ADAMTSL1: variants seen among roughly 807,000 people sequenced by gnomAD.
ADAMTSL1 encodes ADAMTS like 1.
A neutral mutation model predicts 201.8 loss-of-function variants in ADAMTSL1; 126 were observed. The ratio of observed to expected loss-of-function variants is 0.62; its 90% CI spans 0.54 to 0.72. The LOEUF is 0.72. ADAMTSL1 is among the 30% of genes least tolerant of loss of function. ADAMTSL1 has a pLI of 0.00. For missense variants in ADAMTSL1, 2,679 were observed against 2,277.8 expected, an observed-to-expected ratio of 1.18 and a Z score of -3.59; for synonymous variants, 1,121 against 903.4, an observed-to-expected ratio of 1.24 and a Z score of -4.32.
chr9:18,319,184 G>T (rs977341836), intron 2 of ADAMTSL1, among the ~76,000 whole-genome samples: 14 of 152,106 alleles, frequency 9.2e-5, no homozygotes, highest in African/African-American at 3.4e-4. Flanking sequence ...CTGGGCAATA[G>T]AGTGAGACCC....
intron 14 of ADAMTSL1, chr9:18,718,340 T>C (rs1833097001): frequency 1.3e-6 from 1 of 742,528 alleles, no homozygotes; most frequent in Non-Finnish European, 2.5e-6. Context: ...TTGCTATACA[T>C]TGTTCCGTTC....
intron 2 of ADAMTSL1, among the ~76,000 whole-genome samples, chr9:18,299,486 CAG>C (rs1310471141): frequency 6.6e-6 from 1 of 152,110 alleles, no homozygotes; most frequent in Non-Finnish European, 1.5e-5. Flanking sequence ...TTGCTTAGAA[CAG>C]AGCTCAGGAA....
intron 2 of ADAMTSL1, among the ~76,000 whole-genome samples, chr9:18,516,414 A>G (rs1818369355): frequency 2.6e-5 from 4 of 152,190 alleles, no homozygotes; most frequent in Admixed American, 2.6e-4. Flanking sequence ...TGAAGCCCCT[A>G]ACTAATATAC....
chr9:18,803,124 T>G (rs1822904757), intron 20 of ADAMTSL1, among the ~76,000 whole-genome samples: 1 of 152,242 alleles, frequency 6.6e-6, no homozygotes, highest in Admixed American at 6.5e-5. Context: ...CTTACAGTTC[T>G]GTAGGTCAGA....
In ADAMTSL1 at chr9:18,568,726, A is replaced by ATTTT. The variant is rs57985853; in HGVS notation, c.238-5292_238-5289dup. On this transcript the variant is annotated intron_variant, in intron 3 of 28. Coordinates refer to ENST00000380548, the MANE Select transcript of ADAMTSL1 (RefSeq NM_001040272.6). Reference sequence around the variant, plus strand: ...GAGGAAAATTAAGTCAGAAGCATGGATTTTTTTTTTTTTTTCGGTTACTAC... The same window carrying ATTTT: ...GAGGAAAATTAAGTCAGAAGCATGGATTTTTTTTTTTTTTTTTTTCGGTTACTAC... Among the ~76,000 whole-genome samples the ATTTT allele has an allele frequency of 1.1e-3, 152 of 143,842 alleles. 4 individuals carry two copies. Among genetic ancestry groups the ATTTT allele is most frequent in the South Asian group, 3.3e-3 (15 of 4,530 alleles). The allele number at this position is 143,842 out of a possible 152,430, so 94.4% of individuals were successfully genotyped here.
At chr9:18,797,143 G>A (rs1393092007) in intron 20 of ADAMTSL1, among the ~76,000 whole-genome samples, 1 of 152,192 alleles carries the variant, frequency 6.6e-6, no homozygotes, top group Admixed American at 6.5e-5. Context: ...GAGGCACCAG[G>A]GAAGGGGAGG....
intron 23 of ADAMTSL1, among the ~76,000 whole-genome samples, chr9:18,837,152 A>C (rs9695755): frequency 0.074 from 11,255 of 152,184 alleles, 525 homozygotes; most frequent in East Asian, 0.17. Context: ...TTTAGGGCTC[A>C]TTCTTTTAGC....
At chr9:18,672,186 GTT>G (rs35461401) in intron 9 of ADAMTSL1, among the ~76,000 whole-genome samples, 2 of 143,634 alleles carry the variant, frequency 1.4e-5, no homozygotes. Context: ...ATTTTGGCTT[GTT>G]TTTTTTTTTT....
intron 27 of ADAMTSL1, 77 bp from the exon 28 acceptor site, chr9:18,906,615 T>G (rs1784643062): frequency 8.2e-7 from 1 of 1,215,130 alleles, no homozygotes; most frequent in Non-Finnish European, 1.1e-6. Context: ...TTTCTGAGTT[T>G]GCAGCACTAT....
chr9:18,000,805 G>A (rs1005061121), intron 1 of ADAMTSL1, among the ~76,000 whole-genome samples: 1 of 152,106 alleles, frequency 6.6e-6, no homozygotes, highest in African/African-American at 2.4e-5. Flanking sequence ...ATAGGCCAGA[G>A]CGGCTCAGGT....
chr9:18,416,680 A>G (rs1818690350), intron 2 of ADAMTSL1, among the ~76,000 whole-genome samples: 1 of 152,036 alleles, frequency 6.6e-6, no homozygotes, highest in African/African-American at 2.4e-5. Flanking sequence ...CCAGGAATAA[A>G]GAATATCAGT....
chr9:18,513,363 G>A (rs1179116438), intron 2 of ADAMTSL1, among the ~76,000 whole-genome samples: 2 of 152,130 alleles, frequency 1.3e-5, no homozygotes, highest in Admixed American at 6.5e-5. Context: ...CTATGTACTT[G>A]ATTAGTCTAG....
intron 2 of ADAMTSL1, among the ~76,000 whole-genome samples, chr9:18,256,609 G>A (rs532171255): frequency 1.3e-5 from 2 of 152,316 alleles, no homozygotes; most frequent in South Asian, 2.1e-4. Context: ...CAGCCCATTG[G>A]GGAAGACCAA....
chr9:18,656,790 A>C (rs1828714135), intron 7 of ADAMTSL1, among the ~76,000 whole-genome samples: 1 of 152,126 alleles, frequency 6.6e-6, no homozygotes, highest in African/African-American at 2.4e-5. Flanking sequence ...AAGTAGTCCA[A>C]ACCTTGCCCA....
rs144841118 is a variant in ADAMTSL1, at chr9:17,911,564, A to G, written c.87+4642A>G. ...GAAAGATTTAATATTTCCATTTACA[A>G]TGTTATTCTAAATGGTATCCTTGTT... On this transcript the variant is annotated intron_variant, in intron 1 of 29. Transcript: ENST00000680146. Among the ~76,000 whole-genome samples the G allele has an allele frequency of 2.3e-4, 16 of 68,880 alleles. 4 individuals are homozygous for G. The East Asian group carries it at 0.025, about 108-fold the overall frequency. 45.2% of individuals were successfully genotyped at this position (68,880 alleles called of 152,430 possible). A position where few individuals can be genotyped will look rare whatever the true frequency, so the allele number is the denominator to read the frequency against.
intron 20 of ADAMTSL1, among the ~76,000 whole-genome samples, chr9:18,800,377 C>CAAAAAAAAAAAA (rs58346548): frequency 8.2e-4 from 50 of 60,670 alleles, no homozygotes; most frequent in South Asian, 3.3e-3. Context: ...AACTCCATCT[C>CAAAAAAAAAAAA]AAAAAAAAAA....
chr9:18,785,078 C>T lies in ADAMTSL1; in HGVS notation c.3677+7172C>T, dbSNP rs146067863. Among the ~76,000 whole-genome samples, 124 of 152,028 alleles carry T rather than the reference C, an allele frequency of 8.2e-4. 1 individual carries two copies. The East Asian group carries it at 0.02, about 25-fold the overall frequency. On this transcript the variant is annotated intron_variant, in intron 19 of 28. Coordinates refer to ENST00000380548, the MANE Select transcript of ADAMTSL1 (RefSeq NM_001040272.6). ...ACTTGGGAGGCTGAGACAGGAGAAT[C>T]GCTTGAACGCAGGAGGTGGAGGTTG...
intron 2 of ADAMTSL1, among the ~76,000 whole-genome samples, chr9:18,383,710 C>G (rs1014109918): frequency 6.6e-5 from 10 of 152,214 alleles, no homozygotes; most frequent in African/African-American, 2.4e-4. Context: ...CTGAAAGACA[C>G]TGTCCTACCT....
At chr9:18,702,040 A>C (rs59509928) in intron 13 of ADAMTSL1, among the ~76,000 whole-genome samples, 10 of 152,210 alleles carry the variant, frequency 6.6e-5, no homozygotes, top group Admixed American at 3.3e-4. Context: ...AGCAAGTCAC[A>C]TCTTACATGG....
Sources: allele counts gnomAD v4.1 joint callset (sites outside exome capture counted in the v4.1 genomes callset), GRCh38; gene constraint gnomAD v4.1.1; transcripts MANE v1.5; gene names NCBI Gene and HGNC (gene_info 2026-07-23, HGNC 2026-07-21).